CENPH: variants seen among roughly 807,000 people sequenced by gnomAD.
The protein encoded by CENPH is CENP-H.
CENPH carries 40 observed loss-of-function variants against 42.9 expected under a neutral mutation model. That is an observed-to-expected ratio of 0.93 (90% CI 0.72 to 1.21). The LOEUF is 1.21. Among genes scored for constraint, CENPH ranks in the 50% most tolerant of loss-of-function variants. The probability of loss-of-function intolerance (pLI) is 0.00; values close to 1 mark genes in which losing one functional copy is unlikely to be tolerated. For synonymous variants in CENPH, 88 were observed against 96.5 expected (o/e 0.91, Z 0.52); for missense variants, 302 against 292.9 (o/e 1.03, Z -0.23).
chr5:69,189,772 G>A lies in CENPH; in HGVS notation c.134+4G>A, dbSNP rs1461038523. 6.8e-7 allele frequency: 1 copy of A among 1,478,462 alleles called. No individual in the cohort carries two copies. The highest frequency in any genetic ancestry group is 8.9e-7 in the Non-Finnish European group (1 of 1,118,006). 91.6% of individuals were successfully genotyped at this position (1,478,462 alleles called of 1,614,324 possible). ...ACCGCATGACCCTGCTCCTCAGGTT[G>A]TTCCCTTTGGCCTCCTCAGCCGGGG... On this transcript the variant is annotated splice_donor_region_variant and intron_variant, in intron 1 of 8. Coordinates refer to ENST00000283006, the MANE Select transcript of CENPH (RefSeq NM_022909.4).
intron 7 of CENPH, among the ~76,000 whole-genome samples, chr5:69,205,702 CT>C (rs1158243799): frequency 0.11 from 8,234 of 76,774 alleles, 74 homozygotes; most frequent in African/African-American, 0.16. Context: ...CTGTAGATAT[CT>C]TTTTTTTTTT....
At chr5:69,195,987 G>A (rs1561321905) in intron 4 of CENPH, among the ~76,000 whole-genome samples, 196 bp downstream of exon 4, 1 of 152,152 alleles carries the variant, frequency 6.6e-6, no homozygotes, top group African/African-American at 2.4e-5. Context: ...TGCCCACGCT[G>A]GAGTACAGCG....
In CENPH at chr5:69,193,353, G is replaced by A. The variant is rs528271673; in HGVS notation, c.191-1294G>A. Among the ~76,000 whole-genome samples the A allele has an allele frequency of 1.5e-4, 22 of 151,380 alleles. No homozygotes were observed. The East Asian group carries it at 1.9e-3, about 13-fold the overall frequency. On this transcript the variant is annotated intron_variant, in intron 2 of 8. Transcript: ENST00000283006. ...CACAATCAAGATACAGAACATTTTC[G>A]GCTGAGCATGGTGGATCAATCTGTA...
chr5:69,209,085 G>A (rs554852007), intron 8 of CENPH, among the ~76,000 whole-genome samples: 9 of 152,052 alleles, frequency 5.9e-5, no homozygotes, highest in Non-Finnish European at 1.0e-4. Flanking sequence ...TTGAGCCACC[G>A]CACCCAGCAC....
intron 7 of CENPH, among the ~76,000 whole-genome samples, chr5:69,204,496 C>T (rs953315615): frequency 1.4e-4 from 21 of 151,230 alleles, no homozygotes; most frequent in African/African-American, 5.1e-4. Flanking sequence ...TGCTGTGTTA[C>T]CCAGGTTTGT....
chr5:69,189,748 C>G lies in CENPH; in HGVS notation c.114C>G (p.Asp38Glu). The change falls in exon 1 of 9, where the codon GAC (aspartate) becomes GAG (glutamate). Residue 38 changes from aspartate to glutamate, a missense_variant. Asp to Glu is a conservative substitution (Grantham distance 45, BLOSUM62 2). Coordinates refer to ENST00000283006, the MANE Select transcript of CENPH (RefSeq NM_022909.4). ...VAGAQAACSE[D>E]RMTLLLRLRA... ...GCGCCCAGGCGGCGTGCAGCGAGGA[C>G]CGCATGACCCTGCTCCTCAGGTTGT... is the stretch of plus-strand genomic sequence containing the variant. The G allele has an allele frequency of 6.5e-7, 1 of 1,535,532 alleles. No homozygotes were observed. Among genetic ancestry groups the G allele is most frequent in the Non-Finnish European group, 8.7e-7 (1 of 1,144,638 alleles).
Position 69,209,717 on chromosome 5 carries a change from T to G in CENPH, c.662T>G (p.Leu221Trp), listed in dbSNP as rs1279940287. 1 of 1,587,478 alleles carries G rather than the reference T, an allele frequency of 6.3e-7. No homozygotes were observed. Among genetic ancestry groups the G allele is most frequent in the Admixed American group, 1.7e-5 (1 of 58,346 alleles). ...VIQHVFQNLI[L>W]GSKVNWAEDP... ...TTTTTTTCTTTACAGAACCTTATTT[T>G]GGGGAGTAAAGTCAATTGGGCAGAG... The change falls in exon 9 of 9, where the codon TTG becomes TGG. Residue 221 changes from leucine to tryptophan, a missense_variant. Transcript: ENST00000283006.
chr5:69,202,825 A>G (rs1748079291), intron 6 of CENPH, 94 bp from the exon 7 acceptor site: 1 of 770,896 alleles, frequency 1.3e-6, no homozygotes, highest in Admixed American at 3.1e-5. Flanking sequence ...AACTTTAGAT[A>G]ACTAAGGCTA....
chr5:69,209,217 G>A (rs889205766), intron 8 of CENPH, among the ~76,000 whole-genome samples: 2 of 152,160 alleles, frequency 1.3e-5, no homozygotes, highest in Admixed American at 1.3e-4. Context: ...CTTACTAAAA[G>A]TGGAAATGAA....
Position 69,208,297 on chromosome 5 carries a change from A to G in CENPH, c.589A>G (p.Ile197Val). The G allele has an allele frequency of 6.2e-7, 1 of 1,601,286 alleles. No individual in the cohort carries two copies. Among genetic ancestry groups the G allele is most frequent in the Non-Finnish European group, 8.6e-7 (1 of 1,168,500 alleles). The change falls in exon 8 of 9, where the codon ATC becomes GTC. Residue 197 changes from isoleucine (I) to valine (V), a missense_variant. Ile to Val is a conservative substitution (Grantham distance 29). Coordinates refer to ENST00000283006, the MANE Select transcript of CENPH (RefSeq NM_022909.4). ...TATGGAAAACTCAGAGAGGATAAAG[A>G]TCATACGACAAAACCTACAGATGGA... ...DSMENSERIK[I>V]IRQNLQMEIK...
At chr5:69,203,259 C>A (rs1170535675) in intron 7 of CENPH, among the ~76,000 whole-genome samples, 1 of 152,060 alleles carries the variant, frequency 6.6e-6, no homozygotes, top group Non-Finnish European at 1.5e-5. Flanking sequence ...CTCTGCCTCC[C>A]AAATTCAAGT....
chr5:69,198,903 C>T (rs1748011317), intron 5 of CENPH, among the ~76,000 whole-genome samples: 1 of 151,894 alleles, frequency 6.6e-6, no homozygotes, highest in African/African-American at 2.4e-5. Flanking sequence ...TGTGATCTTG[C>T]CACAGCACCT....
Position 69,191,792 on chromosome 5 carries a change from C to A in CENPH, c.135-3C>A. 6.5e-7 allele frequency: 1 copy of A among 1,534,156 alleles called. No homozygotes were observed. The stretch of plus-strand genomic sequence containing the variant: ...ACTTTATATTCTCTTTATCTGTTTT[C>A]AGGCTGAGAGCACAGACAAAACAAC... On this transcript the variant is annotated splice_polypyrimidine_tract_variant and splice_region_variant and intron_variant, in intron 1 of 8. Transcript: ENST00000283006.
chr5:69,205,744 T>G (rs1171481089), intron 7 of CENPH, among the ~76,000 whole-genome samples: 1 of 136,318 alleles, frequency 7.3e-6, no homozygotes, highest in Non-Finnish European at 1.5e-5. Context: ...AGTCTCGCTC[T>G]GTCGCCCAGG....
At position 69,209,875 on chromosome 5, in the gene CENPH, T is replaced by C; in HGVS notation, c.*76T>C. The C allele has an allele frequency of 1.2e-6, 1 of 820,260 alleles. No individual in the cohort carries two copies. The highest frequency in any genetic ancestry group is 1.6e-5 in the South Asian group (1 of 63,164). 50.8% of individuals were successfully genotyped at this position (820,260 alleles called of 1,614,324 possible). A position where few individuals can be genotyped will look rare whatever the true frequency, so the allele number is the denominator to read the frequency against. ...TTTGGAATACTTCTGTGCATTTGTC[T>C]GTCCACCGTAATTTTAGAAAAGCAT... On this transcript the variant is annotated 3_prime_UTR_variant, in exon 9 of 9. Transcript: ENST00000283006.
chr5:69,208,331 T>C lies in CENPH; in HGVS notation c.623T>C (p.Ile208Thr). The C allele has an allele frequency of 6.3e-7, 1 of 1,595,742 alleles. No homozygotes were observed. The highest frequency in any genetic ancestry group is 8.6e-7 in the Non-Finnish European group (1 of 1,167,072). Reference sequence around the variant, plus strand: ...CAAAACCTACAGATGGAGATAAAAATTACTACTGTTATTCAACATGTGTTC... The same window carrying C: ...CAAAACCTACAGATGGAGATAAAAACTACTACTGTTATTCAACATGTGTTC... ...IRQNLQMEIKITTVIQHVFQN... is the reference protein window; with the variant it reads ...IRQNLQMEIKTTTVIQHVFQN... Residue 208 changes from isoleucine to threonine, a missense_variant, in exon 8 of 9, where the codon ATT (isoleucine) becomes ACT (threonine). Transcript: ENST00000283006.
chr5:69,189,915 T>C, intron 1 of CENPH, 147 bp downstream of exon 1: 1 of 933,450 alleles, frequency 1.1e-6, no homozygotes, highest in Non-Finnish European at 1.5e-6. Context: ...GTTGAAGCTC[T>C]TTCTTCATCA....
chr5:69,202,784 G>T, intron 6 of CENPH, 135 bp from the exon 7 acceptor site: 1 of 638,086 alleles, frequency 1.6e-6, no homozygotes, highest in African/African-American at 1.9e-5. Flanking sequence ...TCTTCCTTTT[G>T]CTGTCTGGAA....
intron 7 of CENPH, among the ~76,000 whole-genome samples, chr5:69,204,034 T>TATATAATATATATAATTTC (rs1460426166): frequency 3.0e-5 from 2 of 66,170 alleles, no homozygotes; most frequent in African/African-American, 1.2e-4. Flanking sequence ...ATATATATAA[T>TATATAATATATATAATTTC]TATATATATT....
Sources: allele counts gnomAD v4.1 joint callset (sites outside exome capture counted in the v4.1 genomes callset), GRCh38; gene constraint gnomAD v4.1.1; transcripts MANE v1.5; gene names NCBI Gene and HGNC (gene_info 2026-07-23, HGNC 2026-07-21).